Variants in SNX2 observed in about 807,000 individuals in gnomAD.
SNX2 encodes sorting nexin 2.
Under a neutral mutation model 69.9 loss-of-function variants are expected in SNX2, and 25 were observed. The ratio of observed to expected loss-of-function variants is 0.36; its 90% confidence interval spans 0.26 to 0.50. SNX2 has a LOEUF of 0.50. SNX2 is among the 20% of genes least tolerant of loss of function. The pLI is 0.97. For missense variants in SNX2, 551 were observed against 613.3 expected (o/e 0.90, Z 1.07); for synonymous variants, 229 against 200.4 (o/e 1.14, Z -1.20).
intron 1 of SNX2, among the ~76,000 whole-genome samples, chr5:122,793,648 G>A (rs1298352175): frequency 2.0e-5 from 3 of 152,140 alleles, no homozygotes; most frequent in Non-Finnish European, 2.9e-5. Context: ...AGTGGCTCAC[G>A]CCTATAATCC....
At chr5:122,786,730 AT>A (rs796621488) in intron 1 of SNX2, among the ~76,000 whole-genome samples, 1 of 151,584 alleles carries the variant, frequency 6.6e-6, no homozygotes, top group South Asian at 2.1e-4. Context: ...AGGACGGGCC[AT>A]TTTTTACATT....
chr5:122,800,871 T>C (rs1753491323), intron 3 of SNX2, among the ~76,000 whole-genome samples: 1 of 152,226 alleles, frequency 6.6e-6, no homozygotes, highest in African/African-American at 2.4e-5. Context: ...CTGAACTTTG[T>C]GCTTGAGAAT....
At chr5:122,829,508 G>A in intron 14 of SNX2, 90 bp from the exon 15 acceptor site, 1 of 1,044,590 alleles carries the variant, frequency 9.6e-7, no homozygotes, top group Non-Finnish European at 1.5e-6. Flanking sequence ...CCCGGCTTAT[G>A]TAGATTTTTT....
chr5:122,781,940 A>C (rs891587663), intron 1 of SNX2, among the ~76,000 whole-genome samples: 1 of 152,122 alleles, frequency 6.6e-6, no homozygotes, highest in African/African-American at 2.4e-5. Flanking sequence ...ACTATTACCT[A>C]TGCTCTTGAG....
chr5:122,793,916 CAA>C (rs72484099), intron 1 of SNX2, among the ~76,000 whole-genome samples: 13 of 100,938 alleles, frequency 1.3e-4, no homozygotes, highest in Middle Eastern at 0.012. Flanking sequence ...TCTGTCCCCC[CAA>C]AAAAAAAAAA....
In SNX2 at chr5:122,817,130, T is replaced by C. The variant is rs111514092; in HGVS notation, c.912+102T>C. 8.3e-5 allele frequency: 92 copies of C among 1,113,306 alleles called. 1 individual carries two copies. In the Admixed American group the frequency reaches 1.1e-3, roughly 14 times the overall value. The allele number at this position is 1,113,306 out of a possible 1,614,324, so 69.0% of individuals were successfully genotyped here. On this transcript the variant is annotated intron_variant, in intron 9 of 14. Transcript: ENST00000379516. ...GGAAAATAGGATATTAATTTGCTTATTGAGTTTAGTTCTCAGCCACATCAG... is the reference window on the plus strand; with the variant it reads ...GGAAAATAGGATATTAATTTGCTTACTGAGTTTAGTTCTCAGCCACATCAG...
intron 1 of SNX2, among the ~76,000 whole-genome samples, chr5:122,791,785 A>G (rs113992705): frequency 9.9e-5 from 15 of 152,248 alleles, no homozygotes; most frequent in Non-Finnish European, 1.8e-4. Flanking sequence ...CATATCCATC[A>G]TTATTTTCTT....
intron 1 of SNX2, among the ~76,000 whole-genome samples, chr5:122,783,393 T>G (rs556073195): frequency 2.6e-5 from 4 of 152,194 alleles, no homozygotes; most frequent in Non-Finnish European, 4.4e-5. Context: ...TAACCCATGG[T>G]CACAAAGATT....
At position 122,818,922 on chromosome 5, in the gene SNX2, G is replaced by A; in HGVS notation, c.1111G>A (p.Glu371Lys). The stretch of plus-strand genomic sequence containing the variant: ...AGCTTTGTCTCAGCTTGCAGAGGTT[G>A]AGGAGAAGATAGACCAGTTACATCA... ...SRALSQLAEV[E>K]EKIDQLHQEQ... Residue 371 changes from glutamate to lysine, a missense_variant, in exon 11 of 15, where the codon GAG becomes AAG. Transcript: ENST00000379516. 1 of 1,613,956 alleles carries A rather than the reference G, an allele frequency of 6.2e-7. No homozygotes were observed. Among genetic ancestry groups the A allele is most frequent in the Non-Finnish European group, 8.5e-7 (1 of 1,179,884 alleles).
At chr5:122,806,771 G>A (rs182361753) in intron 6 of SNX2, among the ~76,000 whole-genome samples, 77 of 152,044 alleles carry the variant, frequency 5.1e-4, no homozygotes, top group Non-Finnish European at 9.9e-4. Flanking sequence ...TCCCAATTCC[G>A]GTAGTTCAGT....
chr5:122,821,425 G>A (rs1754018557), intron 11 of SNX2, among the ~76,000 whole-genome samples: 1 of 151,646 alleles, frequency 6.6e-6, no homozygotes, highest in Non-Finnish European at 1.5e-5. Context: ...CACTTAATAG[G>A]GCGGTCTCCC....
chr5:122,796,222 C>G (rs150834805), intron 2 of SNX2, among the ~76,000 whole-genome samples: 6 of 152,120 alleles, frequency 3.9e-5, no homozygotes, highest in African/African-American at 1.4e-4. Flanking sequence ...CATTACCCAT[C>G]TCACATGAAA....
Position 122,808,373 on chromosome 5 carries a change from T to G in SNX2, c.722+18T>G. ...CTTGAAAGGTAATTCTAGACAGCTA[T>G]ATTTTATTACTCTCATGTTTGTACC... On this transcript the variant is annotated intron_variant, in intron 7 of 14. Coordinates refer to ENST00000379516, the MANE Select transcript of SNX2 (RefSeq NM_003100.4). The G allele has an allele frequency of 6.6e-7, 1 of 1,525,596 alleles. No individual in the cohort carries two copies. The highest frequency in any genetic ancestry group is 9.0e-7 in the Non-Finnish European group (1 of 1,106,882). 94.5% of individuals were successfully genotyped at this position (1,525,596 alleles called of 1,614,324 possible).
Position 122,803,459 on chromosome 5 carries a change from T to G in SNX2, c.502-13T>G. 1 of 1,590,754 alleles carries G rather than the reference T, an allele frequency of 6.3e-7. No homozygotes were observed. The highest frequency in any genetic ancestry group is 1.2e-5 in the South Asian group (1 of 86,116). ...GCTATTCAAAATTTGAAACACCTCT[T>G]CTTCACTTGTAGACATCTCTTTCCA... On this transcript the variant is annotated splice_polypyrimidine_tract_variant and intron_variant, in intron 5 of 14. Transcript: ENST00000379516.
chr5:122,785,608 AT>A (rs1561442455), intron 1 of SNX2, among the ~76,000 whole-genome samples: 1 of 152,156 alleles, frequency 6.6e-6, no homozygotes, highest in Non-Finnish European at 1.5e-5. Context: ...ATTTAAAATA[AT>A]TTCTAGTTTC....
In SNX2 at chr5:122,775,085, G is replaced by T. The variant is rs1752823762; in HGVS notation, c.-19G>T. ...GGGTCCGCGAGGCCCAGCTCGCGCA[G>T]TCGTTCGGGTGAGCGAAGATGGCGG... is the stretch of plus-strand genomic sequence containing the variant. On this transcript the variant is annotated 5_prime_UTR_variant, in exon 1 of 15. Coordinates refer to ENST00000379516, the MANE Select transcript of SNX2 (RefSeq NM_003100.4). 1 of 1,571,326 alleles carries T rather than the reference G, an allele frequency of 6.4e-7. No individual in the cohort carries two copies. Among genetic ancestry groups the T allele is most frequent in the Admixed American group, 1.9e-5 (1 of 51,742 alleles).
intron 1 of SNX2, among the ~76,000 whole-genome samples, chr5:122,791,269 A>G (rs1364709027): frequency 6.6e-6 from 1 of 151,684 alleles, no homozygotes; most frequent in East Asian, 1.9e-4. Flanking sequence ...GATTACAGAC[A>G]TGCGCCACCA....
chr5:122,795,935 T>G (rs549866413), intron 2 of SNX2, among the ~76,000 whole-genome samples: 4 of 152,208 alleles, frequency 2.6e-5, no homozygotes, highest in Non-Finnish European at 4.4e-5. Context: ...AATTATCTGC[T>G]TTAAAATTAA....
chr5:122,813,787 T>C (rs966707836), intron 7 of SNX2, among the ~76,000 whole-genome samples: 10 of 148,512 alleles, frequency 6.7e-5, no homozygotes, highest in Non-Finnish European at 1.5e-4. Flanking sequence ...TTTTTTTTTT[T>C]TTCTGAGACG....
Sources: allele counts gnomAD v4.1 joint callset (sites outside exome capture counted in the v4.1 genomes callset), GRCh38; gene constraint gnomAD v4.1.1; transcripts MANE v1.5; gene names NCBI Gene and HGNC (gene_info 2026-07-23, HGNC 2026-07-21).